The following PHACTR1 variants were observed in gnomAD, a reference collection of about 807,000 sequenced individuals.
PHACTR1 encodes RPEL repeat containing 1.
Under a neutral mutation model 69.2 loss-of-function variants are expected in PHACTR1, and 16 were observed. That is an observed-to-expected ratio of 0.23 (90% CI 0.16 to 0.35). The LOEUF is 0.35. PHACTR1 is among the 10% of genes least tolerant of loss of function. PHACTR1 has a pLI of 1.00. For missense variants in PHACTR1, 510 were observed against 734.7 expected (o/e 0.69, Z 3.54); for synonymous variants, 312 against 284.5 (o/e 1.10, Z -0.97).
Position 13,229,923 on chromosome 6 carries a change from G to A in PHACTR1, c.1235-114G>A, listed in dbSNP as rs1584095921. On this transcript the variant is annotated intron_variant, in intron 9 of 14. Coordinates refer to ENST00000332995, the MANE Select transcript of PHACTR1 (RefSeq NM_030948.6). ...GAACTGAGGCATTAACCACTTTCAGGTGTTAAAACCTTGATGACTTCCTTC... is the reference window on the plus strand; with the variant it reads ...GAACTGAGGCATTAACCACTTTCAGATGTTAAAACCTTGATGACTTCCTTC... 1.3e-5 allele frequency: 16 copies of A among 1,214,938 alleles called. 1 individual carries two copies. In the East Asian group the frequency reaches 4.1e-4, roughly 31 times the overall value. 75.3% of individuals were successfully genotyped at this position (1,214,938 alleles called of 1,614,324 possible).
rs566551409 is a variant in PHACTR1 at position 13,007,221 on chromosome 6, C to T, written c.251-46144C>T. On this transcript the variant is annotated intron_variant, in intron 4 of 14. Transcript: ENST00000332995. ...TTTATTTTATTGTAATGTAAACACA[C>T]TTAATAGCACCTTTATGTTCTGGTA... 2.6e-5 allele frequency among the ~76,000 whole-genome samples: 4 copies of T among 152,224 alleles called. No individual in the cohort carries two copies. In the South Asian group the frequency reaches 8.3e-4, roughly 32 times the overall value.
At chr6:12,851,949 C>G (rs914512552) in intron 4 of PHACTR1, among the ~76,000 whole-genome samples, 7 of 152,052 alleles carry the variant, frequency 4.6e-5, no homozygotes, top group Non-Finnish European at 1.0e-4. Flanking sequence ...ATTCTCCTAC[C>G]TCAACCTCCT....
chr6:13,091,391 T>A (rs1382926967), intron 5 of PHACTR1, among the ~76,000 whole-genome samples: 1 of 152,074 alleles, frequency 6.6e-6, no homozygotes, highest in African/African-American at 2.4e-5. Flanking sequence ...TCAGCCAGCA[T>A]TTGGCCTTGA....
At chr6:12,902,369 C>A (rs1785296503) in intron 4 of PHACTR1, among the ~76,000 whole-genome samples, 1 of 152,124 alleles carries the variant, frequency 6.6e-6, no homozygotes, top group African/African-American at 2.4e-5. Flanking sequence ...GTTGCAGTGA[C>A]CAGAGAGCAC....
chr6:13,204,078 T>C (rs1561988842), intron 7 of PHACTR1, among the ~76,000 whole-genome samples: 1 of 151,984 alleles, frequency 6.6e-6, no homozygotes, highest in Non-Finnish European at 1.5e-5. Context: ...TCAGGTGCCA[T>C]AGGTAAGGTT....
intron 3 of PHACTR1, among the ~76,000 whole-genome samples, chr6:12,746,085 G>A (rs1356228818): frequency 6.6e-6 from 1 of 152,128 alleles, no homozygotes; most frequent in Non-Finnish European, 1.5e-5. Flanking sequence ...ACATGAAAAG[G>A]GACTGACTGT....
chr6:13,209,471 C>A (rs1041692181), intron 8 of PHACTR1, among the ~76,000 whole-genome samples: 1 of 152,210 alleles, frequency 6.6e-6, no homozygotes, highest in Non-Finnish European at 1.5e-5. Context: ...CCTGTTTGGG[C>A]CATTGCTGCC....
intron 4 of PHACTR1, among the ~76,000 whole-genome samples, chr6:12,884,694 C>T (rs1561978259): frequency 6.6e-6 from 1 of 152,190 alleles, no homozygotes; most frequent in South Asian, 2.1e-4. Context: ...AGCCACCGCG[C>T]CCGGCCTTTG....
chr6:12,789,406 T>A (rs1771949166), intron 4 of PHACTR1, among the ~76,000 whole-genome samples: 1 of 152,036 alleles, frequency 6.6e-6, no homozygotes, highest in Non-Finnish European at 1.5e-5. Flanking sequence ...AACATTGGAG[T>A]ATCTCAAGGC....
chr6:13,245,439 T>C lies in PHACTR1; in HGVS notation c.1391+15246T>C, dbSNP rs1279982405. Reference sequence around the variant, plus strand: ...ATAATTAATGATGTTGAGCATTTTTTCATGTTTGTTGGCCACATGGATTTC... The same window carrying C: ...ATAATTAATGATGTTGAGCATTTTTCCATGTTTGTTGGCCACATGGATTTC... On this transcript the variant is annotated intron_variant, in intron 10 of 14. Transcript: ENST00000332995. This position sits in a 1 kb window ranked among gnomAD's most constrained non-coding sequence, Gnocchi z 4.1. Among the ~76,000 whole-genome samples, 1 of 152,244 alleles carries C rather than the reference T, an allele frequency of 6.6e-6. No homozygotes were observed. Among genetic ancestry groups the C allele is most frequent in the Non-Finnish European group, 1.5e-5 (1 of 68,044 alleles).
chr6:12,875,967 G>T (rs1336458217), intron 4 of PHACTR1, among the ~76,000 whole-genome samples: 1 of 152,150 alleles, frequency 6.6e-6, no homozygotes, highest in Non-Finnish European at 1.5e-5. Context: ...ATAAAGCTAA[G>T]GAGGTTAGGA....
chr6:12,962,875 A>T (rs899063635), intron 4 of PHACTR1, among the ~76,000 whole-genome samples: 1 of 152,162 alleles, frequency 6.6e-6, no homozygotes, highest in Non-Finnish European at 1.5e-5. Flanking sequence ...AGAATCAAGC[A>T]TGGCCTTCTC....
intron 5 of PHACTR1, among the ~76,000 whole-genome samples, chr6:13,061,483 A>G (rs1807671856): frequency 6.6e-6 from 1 of 152,206 alleles, no homozygotes; most frequent in Non-Finnish European, 1.5e-5. Context: ...TGCAGAAGCA[A>G]TACAGAAGAT....
At chr6:13,216,896 C>A (rs1767757289) in intron 8 of PHACTR1, among the ~76,000 whole-genome samples, 1 of 151,944 alleles carries the variant, frequency 6.6e-6, no homozygotes, top group Admixed American at 6.6e-5. Flanking sequence ...CTGTACAAAC[C>A]ATTAACACCT....
rs1788523148 is a variant in PHACTR1, at chr6:12,928,569, T to C, written c.251-124796T>C. Among the ~76,000 whole-genome samples the C allele has an allele frequency of 2.0e-5, 3 of 152,202 alleles. No homozygotes were observed. The South Asian group carries it at 6.2e-4, about 32-fold the overall frequency. On this transcript the variant is annotated intron_variant, in intron 4 of 14. Transcript: ENST00000332995. ...ACAGAGTATTTGCATCTGTGCAACT[T>C]ACTTGAAAATTGCAATTCATTCCAT...
intron 4 of PHACTR1, among the ~76,000 whole-genome samples, chr6:12,866,542 A>G (rs1028029294): frequency 6.6e-6 from 1 of 152,050 alleles, no homozygotes; most frequent in African/African-American, 2.4e-5. Flanking sequence ...TATGTCAGAA[A>G]GAATTGGTAC....
chr6:12,950,761 C>T (rs975498744), intron 4 of PHACTR1, among the ~76,000 whole-genome samples: 1 of 152,200 alleles, frequency 6.6e-6, no homozygotes, highest in African/African-American at 2.4e-5. Context: ...CACCTTAGAA[C>T]TTCCCCCCAG....
At chr6:12,727,513 G>A (rs1762942791) in intron 3 of PHACTR1, among the ~76,000 whole-genome samples, 1 of 152,204 alleles carries the variant, frequency 6.6e-6, no homozygotes, top group Non-Finnish European at 1.5e-5. Context: ...GAGAGGAAGA[G>A]GGAGAGAAAA....
intron 4 of PHACTR1, among the ~76,000 whole-genome samples, chr6:12,998,413 T>C (rs1452169889): frequency 6.6e-6 from 1 of 151,778 alleles, no homozygotes; most frequent in East Asian, 1.9e-4. Context: ...AGCTCAGGGA[T>C]TTAGAGACCA....
Sources: allele counts gnomAD v4.1 joint callset (sites outside exome capture counted in the v4.1 genomes callset), GRCh38; gene constraint gnomAD v4.1.1; non-coding constraint Gnocchi (gnomAD v3.1); transcripts MANE v1.5; gene names NCBI Gene and HGNC (gene_info 2026-07-23, HGNC 2026-07-21).